Variants in CSMD3 observed in about 807,000 individuals in gnomAD.
CSMD3 encodes the protein CUB and sushi domain-containing protein 3.
Under a neutral mutation model 435.2 loss-of-function variants are expected in CSMD3, and 177 were observed. The observed-to-expected ratio is 0.41, with a 90% CI of 0.36 to 0.46. The LOEUF (loss-of-function observed/expected upper bound fraction) is 0.46. Among genes scored for constraint, CSMD3 ranks in the 20% least tolerant of loss-of-function variants. CSMD3 has a pLI of 0.34. For synonymous variants in CSMD3, 1,656 were observed against 1,520.5 expected (o/e 1.09, Z -2.07); for missense variants, 4,265 against 4,504.6 (o/e 0.95, Z 1.52).
chr8:112,517,010 T>C, intron 28 of CSMD3, 24 bp downstream of exon 28: 1 of 1,578,958 alleles, frequency 6.3e-7, no homozygotes, highest in Non-Finnish European at 8.7e-7. Context: ...TTATATAAAA[T>C]TTTAATTGTT....
chr8:113,198,199 G>A (rs2092680231), intron 3 of CSMD3, among the ~76,000 whole-genome samples: 1 of 151,332 alleles, frequency 6.6e-6, no homozygotes, highest in South Asian at 2.1e-4. Flanking sequence ...CCTTCAGCAA[G>A]ATCCTTCATG....
At chr8:113,263,926 A>G (rs1204721268) in intron 3 of CSMD3, among the ~76,000 whole-genome samples, 1 of 151,714 alleles carries the variant, frequency 6.6e-6, no homozygotes, top group Non-Finnish European at 1.5e-5. Flanking sequence ...TTTATCTAGC[A>G]TAGTATAATG....
chr8:112,620,378 A>G (rs1833974151), intron 22 of CSMD3, among the ~76,000 whole-genome samples: 1 of 152,112 alleles, frequency 6.6e-6, no homozygotes, highest in Non-Finnish European at 1.5e-5. Context: ...ATATTAAAAT[A>G]TTTTAGAGTG....
At chr8:112,284,075 A>G (rs1008698896) in intron 58 of CSMD3, among the ~76,000 whole-genome samples, 4 of 151,860 alleles carry the variant, frequency 2.6e-5, no homozygotes, top group African/African-American at 9.7e-5. Flanking sequence ...TGTTTGAAAT[A>G]TATTGCCACA....
chr8:113,324,024 G>C (rs1254946809), intron 1 of CSMD3, among the ~76,000 whole-genome samples: 2 of 152,120 alleles, frequency 1.3e-5, no homozygotes, highest in African/African-American at 4.8e-5. Flanking sequence ...GAACTTGAGA[G>C]AGATGATTTA....
chr8:112,682,316 A>G, intron 16 of CSMD3, 126 bp downstream of exon 16: 1 of 815,040 alleles, frequency 1.2e-6, no homozygotes, highest in South Asian at 1.4e-5. Flanking sequence ...TATGTTTAAT[A>G]TAGAATATCA....
intron 59 of CSMD3, among the ~76,000 whole-genome samples, chr8:112,273,728 A>AC: frequency 6.6e-6 from 1 of 150,712 alleles, no homozygotes; most frequent in Admixed American, 6.6e-5. Context: ...TCTGTCTCAA[A>AC]AAAAAAAAAA....
intron 12 of CSMD3, among the ~76,000 whole-genome samples, chr8:112,806,875 C>T (rs539476016): frequency 1.4e-4 from 22 of 152,176 alleles, no homozygotes; most frequent in Admixed American, 5.9e-4. Context: ...TAATGTGTAA[C>T]CATGCCGTTT....
chr8:112,665,284 T>C (rs2075494427), intron 17 of CSMD3, among the ~76,000 whole-genome samples: 1 of 152,190 alleles, frequency 6.6e-6, no homozygotes, highest in Non-Finnish European at 1.5e-5. Flanking sequence ...TGCTACCTGA[T>C]TCATGAATGG....
At chr8:112,903,128 C>G (rs1349460564) in intron 10 of CSMD3, among the ~76,000 whole-genome samples, 5 of 97,410 alleles carry the variant, frequency 5.1e-5, no homozygotes, top group Middle Eastern at 0.013. Context: ...ATTCTTGATA[C>G]AACATCTGGG....
chr8:112,259,456 G>T (rs957346037), intron 61 of CSMD3, among the ~76,000 whole-genome samples: 1 of 152,114 alleles, frequency 6.6e-6, no homozygotes, highest in South Asian at 2.1e-4. Context: ...GAGGGTCTAG[G>T]GGAGGCACAG....
intron 4 of CSMD3, among the ~76,000 whole-genome samples, chr8:113,143,370 C>A (rs996562874): frequency 6.6e-6 from 1 of 151,316 alleles, no homozygotes; most frequent in African/African-American, 2.4e-5. Flanking sequence ...ATATCACCAG[C>A]GGAAACAGAA....
chr8:112,336,629 C>T (rs1489029953), intron 44 of CSMD3, 23 bp downstream of exon 44: 2 of 1,540,834 alleles, frequency 1.3e-6, no homozygotes, highest in Non-Finnish European at 1.8e-6. Flanking sequence ...TTGAATAAAT[C>T]AATAACAATA....
intron 13 of CSMD3, among the ~76,000 whole-genome samples, chr8:112,741,794 AAGAT>A (rs3039663): frequency 0.37 from 55,596 of 149,326 alleles, 11,709 homozygotes; most frequent in Middle Eastern, 0.53. Context: ...AGATAGAGAG[AAGAT>A]AGATAGATAG....
chr8:112,402,455 A>G lies in CSMD3; in HGVS notation c.5809+4069T>C, dbSNP rs184032612. Reference sequence around the variant, plus strand: ...ATATGTAGGTTCTTTGAACACTCTAACTAAAGGAATAAAAGGGTTTTTGAT... The same window carrying G: ...ATATGTAGGTTCTTTGAACACTCTAGCTAAAGGAATAAAAGGGTTTTTGAT... On this transcript the variant is annotated intron_variant, in intron 35 of 70. Coordinates refer to ENST00000297405, the MANE Select transcript of CSMD3 (RefSeq NM_198123.2). Among the ~76,000 whole-genome samples the G allele has an allele frequency of 5.9e-5, 9 of 152,278 alleles. No homozygotes were observed. In the East Asian group the frequency reaches 1.7e-3, roughly 29 times the overall value.
intron 1 of CSMD3, among the ~76,000 whole-genome samples, chr8:113,344,498 T>A (rs2094139676): frequency 6.6e-6 from 1 of 152,172 alleles, no homozygotes; most frequent in South Asian, 2.1e-4. Context: ...CTTTGCTTGC[T>A]TCGAAATAAT....
chr8:113,303,224 A>G (rs1488097415), intron 2 of CSMD3, among the ~76,000 whole-genome samples: 2 of 139,070 alleles, frequency 1.4e-5, no homozygotes, highest in East Asian at 4.4e-4. Context: ...GGACCTCTTC[A>G]AGGAGAACTA....
At chr8:113,256,697 G>A (rs1440770935) in intron 3 of CSMD3, among the ~76,000 whole-genome samples, 3 of 152,152 alleles carry the variant, frequency 2.0e-5, no homozygotes, top group Admixed American at 6.5e-5. Context: ...GGAGGAGTAG[G>A]ATAGTTTGGC....
intron 11 of CSMD3, among the ~76,000 whole-genome samples, chr8:112,834,621 T>C (rs1020395524): frequency 4.6e-5 from 7 of 151,714 alleles, no homozygotes; most frequent in African/African-American, 1.7e-4. Flanking sequence ...ATTTTCCTTC[T>C]TTATTGATAC....
Sources: gnomAD v4.1 joint callset for allele counts (sites outside exome capture counted in the v4.1 genomes callset) on GRCh38, gnomAD v4.1.1 for gene constraint, MANE v1.5 for transcripts, NCBI Gene and HGNC (gene_info 2026-07-23, HGNC 2026-07-21) for gene names.